SLTM: variants seen among roughly 807,000 people sequenced by gnomAD.
SLTM encodes the protein SAFB like transcription modulator, also known as SAFB-like transcription modulator.
SLTM carries 43 observed loss-of-function variants against 134.6 expected under a neutral mutation model. That is an observed-to-expected ratio of 0.32 (90% CI 0.25 to 0.41). The LOEUF (loss-of-function observed/expected upper bound fraction) is 0.41, where lower values mean the gene tolerates loss of function less well. Among genes scored for constraint, SLTM ranks in the 10% least tolerant of loss-of-function variants. The pLI is 1.00. For synonymous variants in SLTM, 424 were observed against 432.3 expected (o/e 0.98, Z 0.24); for missense variants, 1,055 against 1,288.8 (o/e 0.82, Z 2.78).
chr15:58,922,522 T>A (rs8030677), intron 2 of SLTM, among the ~76,000 whole-genome samples: 143,085 of 144,762 alleles, frequency 0.99, 70,725 homozygotes, highest in Middle Eastern at 1. Flanking sequence ...CGTATAAAAT[T>A]TATACGTATA....
chr15:58,907,494 C>T lies in SLTM; in HGVS notation c.561+5069G>A, dbSNP rs144277737. Among the ~76,000 whole-genome samples, 490 of 152,130 alleles carry T rather than the reference C, an allele frequency of 3.2e-3. 2 individuals carry two copies. The highest frequency in any genetic ancestry group is 0.011 in the African/African-American group (443 of 41,498). ...AAAGTCAGACGGGTGTGGTGGCGCA[C>T]GCCTGTAGTCCCAGCTACCAGGAGA... On this transcript the variant is annotated intron_variant, in intron 5 of 20. Transcript: ENST00000380516.
At chr15:58,916,800 G>A (rs1011968235) in intron 3 of SLTM, 135 bp downstream of exon 3, 2 of 599,536 alleles carry the variant, frequency 3.3e-6, no homozygotes, top group Non-Finnish European at 5.8e-6. Flanking sequence ...AATATTAAAC[G>A]TTGTCAATAT....
intron 12 of SLTM, 71 bp downstream of exon 12, chr15:58,893,750 G>A: frequency 6.7e-7 from 1 of 1,483,170 alleles, no homozygotes; most frequent in Non-Finnish European, 9.0e-7. Flanking sequence ...AGAATTTCAG[G>A]TTTTCCCTTC....
chr15:58,913,383 T>C lies in SLTM; in HGVS notation c.513+116A>G, dbSNP rs562809559. ...ATTTTAGATGACTTATAAGTAGCTT[T>C]AGTAACACATCTTTTAAAAATTCTG... On this transcript the variant is annotated intron_variant, in intron 4 of 20. Transcript: ENST00000380516. 3 of 841,578 alleles carry C rather than the reference T, an allele frequency of 3.6e-6. No individual in the cohort carries two copies. The Admixed American group carries it at 9.2e-5, about 26-fold the overall frequency. The allele number at this position is 841,578 out of a possible 1,614,324, so 52.1% of individuals were successfully genotyped here.
intron 6 of SLTM, chr15:58,900,625 C>T (rs1014069523): frequency 9.8e-5 from 15 of 152,574 alleles, no homozygotes; most frequent in African/African-American, 3.4e-4. Context: ...CATTTCATCA[C>T]TGCTTCTAGG....
rs377069769 is a variant in SLTM at position 58,912,555 on chromosome 15, A to C, written c.561+8T>G. On this transcript the variant is annotated splice_region_variant and intron_variant, in intron 5 of 20. Coordinates refer to ENST00000380516, the MANE Select transcript of SLTM (RefSeq NM_024755.4). ...ATATCGAATTCATAGGACTAAATGTAAACTTACTTGGGCTGTTAGAAAGGT... is the reference window on the plus strand; with the variant it reads ...ATATCGAATTCATAGGACTAAATGTCAACTTACTTGGGCTGTTAGAAAGGT... 8.3e-5 allele frequency: 133 copies of C among 1,612,014 alleles called. No individual in the cohort carries two copies. The highest frequency in any genetic ancestry group is 2.7e-4 in the Admixed American group (16 of 59,946).
chr15:58,897,133 G>A lies in SLTM; in HGVS notation c.1209C>T (p.Leu403=), dbSNP rs2035141633. 1 of 1,610,590 alleles carries A rather than the reference G, an allele frequency of 6.2e-7. No homozygotes were observed. Among genetic ancestry groups the A allele is most frequent in the Admixed American group, 1.7e-5 (1 of 59,946 alleles). The change falls in exon 9 of 21, where the codon CTC becomes CTT. Residue 403 remains leucine, a synonymous_variant. Coordinates refer to ENST00000380516, the MANE Select transcript of SLTM (RefSeq NM_024755.4). ...AATGTACCTTTCCATATTTGCCAAA[G>A]AGGTTCTTCAAATCAGCAGCTTTGG... The part of the protein sequence containing the change: ...SNTKAADLKN[L]FGKYGKVLSA...
intron 2 of SLTM, among the ~76,000 whole-genome samples, chr15:58,924,476 A>T (rs1469767411): frequency 1.3e-5 from 2 of 152,246 alleles, no homozygotes; most frequent in Admixed American, 6.5e-5. Context: ...TATACTATTT[A>T]TTAAGTTAAA....
intron 2 of SLTM, among the ~76,000 whole-genome samples, chr15:58,929,759 C>T (rs746831402): frequency 2.6e-5 from 4 of 151,854 alleles, no homozygotes; most frequent in Non-Finnish European, 5.9e-5. Context: ...GAGAAAACAT[C>T]TCTGCCATTT....
chr15:58,886,234 T>C (rs1440931959), intron 19 of SLTM, among the ~76,000 whole-genome samples: 1 of 126,078 alleles, frequency 7.9e-6, no homozygotes, highest in Non-Finnish European at 1.7e-5. Context: ...TGTGTGTGTG[T>C]GTGTGTGTGT....
Position 58,899,412 on chromosome 15 carries a change from T to G in SLTM, c.1058+57A>C. On this transcript the variant is annotated intron_variant, in intron 7 of 20. Coordinates refer to ENST00000380516, the MANE Select transcript of SLTM (RefSeq NM_024755.4). The surrounding 1 kb of genome is among the most constrained non-coding windows in gnomAD (Gnocchi z 5.0). ...TTGAAGCCACCCCCTTAATGTAGAG[T>G]GATCTTATTGAATGCTGGAATTCAG... is the stretch of plus-strand genomic sequence containing the variant. 1.4e-6 allele frequency: 2 copies of G among 1,387,356 alleles called. No individual in the cohort carries two copies. Among genetic ancestry groups the G allele is most frequent in the Non-Finnish European group, 2.0e-6 (2 of 980,866 alleles). The allele number at this position is 1,387,356 out of a possible 1,614,324, so 85.9% of individuals were successfully genotyped here.
intron 14 of SLTM, among the ~76,000 whole-genome samples, chr15:58,892,576 G>A (rs2034743871): frequency 6.6e-6 from 1 of 152,148 alleles, no homozygotes; most frequent in Non-Finnish European, 1.5e-5. Context: ...GAAGACTTGG[G>A]TCTGAGTCCC....
chr15:58,917,038 A>C, intron 2 of SLTM, 39 bp from the exon 3 acceptor site: 5 of 1,590,196 alleles, frequency 3.1e-6, no homozygotes, highest in African/African-American at 1.3e-5. Context: ...CCAATATTTT[A>C]TTACTTTAAG....
intron 19 of SLTM, among the ~76,000 whole-genome samples, chr15:58,884,521 G>C (rs2034021815): frequency 6.6e-6 from 1 of 152,248 alleles, no homozygotes; most frequent in African/African-American, 2.4e-5. Context: ...GTTTCACCAT[G>C]TTGGCCAGGA....
At chr15:58,909,940 C>A (rs573968613) in intron 5 of SLTM, among the ~76,000 whole-genome samples, 1 of 152,214 alleles carries the variant, frequency 6.6e-6, no homozygotes, top group African/African-American at 2.4e-5. Flanking sequence ...AAGAGGAAAA[C>A]AGATGGAAGG....
At chr15:58,918,247 C>A (rs1280394179) in intron 2 of SLTM, among the ~76,000 whole-genome samples, 2 of 151,500 alleles carry the variant, frequency 1.3e-5, no homozygotes, top group Non-Finnish European at 2.9e-5. Context: ...TTTTTCATTT[C>A]TTTTGAAACA....
intron 5 of SLTM, among the ~76,000 whole-genome samples, chr15:58,911,469 G>A (rs1204967945): frequency 6.6e-6 from 1 of 152,132 alleles, no homozygotes; most frequent in African/African-American, 2.4e-5. Flanking sequence ...GGGTAACTGT[G>A]CTAATTCTAG....
At position 58,933,395 on chromosome 15, in the gene SLTM, G is replaced by C. The variant is rs1482805716; in HGVS notation, c.162+9C>G. The C allele has an allele frequency of 3.8e-6, 6 of 1,570,796 alleles. No individual in the cohort carries two copies. The highest frequency in any genetic ancestry group is 2.5e-5 in the East Asian group (1 of 39,732). On this transcript the variant is annotated intron_variant, in intron 1 of 20. Transcript: ENST00000380516. The stretch of plus-strand genomic sequence containing the variant: ...TTCCCGGTCCTTTCCGGTCCTCGCC[G>C]GGCCTCACCTGCTTGAGTCGGGAGA...
rs556413700 is a variant in SLTM, at chr15:58,890,842, C to T, written c.1899-381G>A. On this transcript the variant is annotated intron_variant, in intron 14 of 20. Coordinates refer to ENST00000380516, the MANE Select transcript of SLTM (RefSeq NM_024755.4). ...TGTTTTTGATGGAAAAAGCTCTAAT[C>T]CCTATTATATATTCTATTGTATCTC... 3.9e-5 allele frequency among the ~76,000 whole-genome samples: 6 copies of T among 152,302 alleles called. No homozygotes were observed. In the South Asian group the frequency reaches 1.2e-3, roughly 32 times the overall value.
Sources: gnomAD v4.1 joint callset for allele counts (sites outside exome capture counted in the v4.1 genomes callset) on GRCh38, gnomAD v4.1.1 for gene constraint, Gnocchi (gnomAD v3.1) non-coding constraint, MANE v1.5 for transcripts, NCBI Gene and HGNC (gene_info 2026-07-23, HGNC 2026-07-21) for gene names.